Variants in CNTNAP2 observed in about 807,000 individuals in gnomAD.
CNTNAP2 encodes contactin associated protein 2.
In CNTNAP2, 98 loss-of-function variants were observed where a neutral mutation model predicts 155.2. The observed-to-expected ratio is 0.63, with a 90% CI of 0.54 to 0.75. The LOEUF (loss-of-function observed/expected upper bound fraction) is 0.75. Among genes scored for constraint, CNTNAP2 ranks in the 30% least tolerant of loss-of-function variants. The pLI is 0.00. For missense variants in CNTNAP2, 1,727 were observed against 1,688.1 expected (o/e 1.02, Z -0.40); for synonymous variants, 651 against 631.2 (o/e 1.03, Z -0.47).
intron 1 of CNTNAP2, among the ~76,000 whole-genome samples, chr7:146,477,270 A>T (rs779170196): frequency 6.6e-6 from 1 of 152,206 alleles, no homozygotes; most frequent in Non-Finnish European, 1.5e-5. Flanking sequence ...ATTCAGATAG[A>T]TTATTTTAAA....
At chr7:146,186,948 A>T (rs1798632803) in intron 1 of CNTNAP2, among the ~76,000 whole-genome samples, 1 of 152,196 alleles carries the variant, frequency 6.6e-6, no homozygotes, top group Non-Finnish European at 1.5e-5. Context: ...AGGGCCAGAA[A>T]TCAGTCTCTT....
intron 9 of CNTNAP2, among the ~76,000 whole-genome samples, chr7:147,373,038 C>T (rs369765754): frequency 1.3e-5 from 2 of 151,982 alleles, no homozygotes; most frequent in African/African-American, 4.8e-5. Context: ...CTGATCGTAC[C>T]GTCCAGGGAC....
At chr7:146,595,787 C>G (rs1456926360) in intron 1 of CNTNAP2, among the ~76,000 whole-genome samples, 2 of 152,026 alleles carry the variant, frequency 1.3e-5, no homozygotes, top group Non-Finnish European at 2.9e-5. Context: ...ATTTCATATA[C>G]ATAAATCAAA....
At chr7:146,740,291 T>C (rs1000185223) in intron 1 of CNTNAP2, among the ~76,000 whole-genome samples, 1 of 135,478 alleles carries the variant, frequency 7.4e-6, no homozygotes, top group Admixed American at 7.1e-5. Context: ...AGGATTTCTG[T>C]TTTTTTTTTT....
chr7:146,178,970 A>T (rs1798511276), intron 1 of CNTNAP2, among the ~76,000 whole-genome samples: 1 of 150,322 alleles, frequency 6.7e-6, no homozygotes, highest in African/African-American at 2.4e-5. Flanking sequence ...TACTGGTTGT[A>T]AATTAATGAA....
intron 1 of CNTNAP2, among the ~76,000 whole-genome samples, chr7:146,142,730 T>C (rs1797898225): frequency 6.6e-6 from 1 of 152,206 alleles, no homozygotes; most frequent in South Asian, 2.1e-4. Flanking sequence ...TGTAAAATAA[T>C]ACATCTTTTG....
intron 21 of CNTNAP2, among the ~76,000 whole-genome samples, chr7:148,321,205 AT>A (rs898543955): frequency 1.3e-5 from 2 of 151,946 alleles, no homozygotes; most frequent in African/African-American, 2.4e-5. Context: ...GAGATGTTGA[AT>A]TTTTTTTTCA....
intron 14 of CNTNAP2, among the ~76,000 whole-genome samples, chr7:147,919,711 G>A (rs1022754793): frequency 1.3e-5 from 2 of 151,544 alleles, no homozygotes; most frequent in African/African-American, 2.4e-5. Flanking sequence ...GCCCGCCTCG[G>A]CCTCCCAAAG....
chr7:148,200,466 C>T (rs571210315), intron 18 of CNTNAP2, among the ~76,000 whole-genome samples: 15 of 151,356 alleles, frequency 9.9e-5, no homozygotes, highest in Non-Finnish European at 2.1e-4. Context: ...ACAATCATGG[C>T]TCACTGGAGC....
intron 21 of CNTNAP2, among the ~76,000 whole-genome samples, chr7:148,333,848 T>G (rs1798072880): frequency 6.6e-6 from 1 of 152,236 alleles, no homozygotes; most frequent in African/African-American, 2.4e-5. Flanking sequence ...CAGCAAGGAA[T>G]GCCAGTGTTG....
At chr7:147,623,283 G>C (rs778359708) in intron 12 of CNTNAP2, among the ~76,000 whole-genome samples, 2 of 151,924 alleles carry the variant, frequency 1.3e-5, no homozygotes, top group Non-Finnish European at 2.9e-5. Flanking sequence ...ACAAAATAAA[G>C]GGCATCCAAA....
At chr7:147,079,279 A>G (rs1435853280) in intron 4 of CNTNAP2, among the ~76,000 whole-genome samples, 4 of 152,136 alleles carry the variant, frequency 2.6e-5, no homozygotes, top group Non-Finnish European at 5.9e-5. Flanking sequence ...GCTAGGAGGC[A>G]GTAGAGCTCA....
chr7:147,270,377 T>C (rs563906427), intron 8 of CNTNAP2, among the ~76,000 whole-genome samples: 3 of 152,238 alleles, frequency 2.0e-5, no homozygotes, highest in Non-Finnish European at 4.4e-5. Flanking sequence ...AACTTTCATA[T>C]TGCTTGCATG....
At chr7:148,158,054 C>T (rs1187481168) in intron 17 of CNTNAP2, among the ~76,000 whole-genome samples, 3 of 152,000 alleles carry the variant, frequency 2.0e-5, no homozygotes, top group African/African-American at 7.3e-5. Flanking sequence ...TCTCCACCTA[C>T]GACCCCCACA....
intron 1 of CNTNAP2, among the ~76,000 whole-genome samples, chr7:146,229,584 ATT>A (rs1174399933): frequency 6.6e-6 from 1 of 151,954 alleles, no homozygotes; most frequent in Non-Finnish European, 1.5e-5. Context: ...CAGAGAATGC[ATT>A]GTTACATTAA....
In CNTNAP2 at chr7:147,010,166, C is replaced by T. The variant is rs146992288; in HGVS notation, c.403-33741C>T. ...CTGGGATTACAGGCATGCGCAACCA[C>T]GCCAAGCTGATTTTTGTATTTTTAA... On this transcript the variant is annotated intron_variant, in intron 3 of 23. Transcript: ENST00000361727. Among the ~76,000 whole-genome samples the T allele has an allele frequency of 3.4e-3, 513 of 151,868 alleles. 1 individual carries two copies. The highest frequency in any genetic ancestry group is 0.011 in the African/African-American group (470 of 41,422).
intron 21 of CNTNAP2, among the ~76,000 whole-genome samples, chr7:148,276,079 C>T (rs1471870164): frequency 6.6e-6 from 1 of 152,140 alleles, no homozygotes; most frequent in Admixed American, 6.5e-5. Flanking sequence ...ACCAGCAGGG[C>T]CACATGTCCT....
intron 8 of CNTNAP2, among the ~76,000 whole-genome samples, chr7:147,239,575 T>A (rs189655122): frequency 6.6e-6 from 1 of 151,396 alleles, no homozygotes; most frequent in East Asian, 1.9e-4. Flanking sequence ...ATACTTAAAG[T>A]TAATAACCAC....
At chr7:146,561,043 A>G (rs1798271938) in intron 1 of CNTNAP2, among the ~76,000 whole-genome samples, 1 of 152,240 alleles carries the variant, frequency 6.6e-6, no homozygotes, top group Non-Finnish European at 1.5e-5. Flanking sequence ...TAAACACACA[A>G]TCACAAACAT....
Sources: allele counts gnomAD v4.1 joint callset (sites outside exome capture counted in the v4.1 genomes callset), GRCh38; gene constraint gnomAD v4.1.1; transcripts MANE v1.5; gene names NCBI Gene and HGNC (gene_info 2026-07-23, HGNC 2026-07-21).